Variants in METTL8 observed in about 807,000 individuals in gnomAD.
METTL8 encodes the protein methyltransferase 8, tRNA N3-cytidine.
Under a neutral mutation model 48.7 loss-of-function variants are expected in METTL8, and 32 were observed. The ratio of observed to expected loss-of-function variants is 0.66; its 90% confidence interval spans 0.50 to 0.88. The LOEUF is 0.88. Ranked by LOEUF, METTL8 falls within the 40% of genes least tolerant of loss-of-function variation. The pLI, the probability that METTL8 is intolerant of heterozygous loss-of-function variation, is 0.00. For missense variants in METTL8, 464 were observed against 474.4 expected (o/e 0.98, Z 0.20); for synonymous variants, 136 against 157.1 (o/e 0.87, Z 1.01).
chr2:171,338,515 C>T (rs993803766), intron 4 of METTL8, among the ~76,000 whole-genome samples: 1 of 151,962 alleles, frequency 6.6e-6, no homozygotes, highest in African/African-American at 2.4e-5. Flanking sequence ...TGGCAGGCGC[C>T]TGTAATCCCA....
intron 5 of METTL8, 120 bp from the exon 6 acceptor site, chr2:171,331,987 G>T: frequency 1.5e-6 from 1 of 658,298 alleles, no homozygotes; most frequent in Non-Finnish European, 2.6e-6. Context: ...CTGGACTCTA[G>T]CGATCTTGCT....
intron 2 of METTL8, among the ~76,000 whole-genome samples, chr2:171,379,085 G>T (rs565143361): frequency 1.3e-5 from 2 of 152,220 alleles, no homozygotes; most frequent in African/African-American, 4.8e-5. Context: ...AATCAAATTA[G>T]AACTCGAGAT....
At chr2:171,422,674 A>G (rs1691994555) in intron 1 of METTL8, among the ~76,000 whole-genome samples, 1 of 152,238 alleles carries the variant, frequency 6.6e-6, no homozygotes, top group Non-Finnish European at 1.5e-5. Flanking sequence ...GGCTTTGCAC[A>G]AGAATGAAAA....
At chr2:171,420,234 C>T (rs1202631169) in intron 1 of METTL8, among the ~76,000 whole-genome samples, 2 of 152,098 alleles carry the variant, frequency 1.3e-5, no homozygotes, top group African/African-American at 4.8e-5. Flanking sequence ...AAGAAAGCGG[C>T]TTGGTCAAGA....
intron 3 of METTL8, among the ~76,000 whole-genome samples, chr2:171,350,806 G>T (rs1683829520): frequency 6.6e-6 from 1 of 152,034 alleles, no homozygotes; most frequent in African/African-American, 2.4e-5. Flanking sequence ...TTTTTGATGG[G>T]GTTGTTTGAT....
At chr2:171,390,835 C>T (rs1688516230) in intron 2 of METTL8, among the ~76,000 whole-genome samples, 1 of 152,030 alleles carries the variant, frequency 6.6e-6, no homozygotes, top group Non-Finnish European at 1.5e-5. Flanking sequence ...ATTTAGACAA[C>T]AAAGAATTTA....
intron 2 of METTL8, among the ~76,000 whole-genome samples, chr2:171,379,944 C>A (rs904123473): frequency 6.6e-6 from 1 of 151,942 alleles, no homozygotes; most frequent in African/African-American, 2.4e-5. Flanking sequence ...AACACAACAA[C>A]AAAAAAAGAA....
At chr2:171,344,077 A>C (rs561649805) in intron 3 of METTL8, among the ~76,000 whole-genome samples, 1 of 152,362 alleles carries the variant, frequency 6.6e-6, no homozygotes, top group South Asian at 2.1e-4. Context: ...TTAGGAGAAA[A>C]GAAATCAGAT....
At chr2:171,385,244 CT>C (rs1488709932) in intron 2 of METTL8, among the ~76,000 whole-genome samples, 4 of 151,480 alleles carry the variant, frequency 2.6e-5, no homozygotes, top group African/African-American at 7.3e-5. Context: ...AAGACCCCCC[CT>C]CTCTAAAAAA....
intron 1 of METTL8, among the ~76,000 whole-genome samples, chr2:171,427,686 G>T (rs1473010956): frequency 6.6e-6 from 1 of 152,094 alleles, no homozygotes; most frequent in Non-Finnish European, 1.5e-5. Flanking sequence ...TGACCACTCT[G>T]GCTAAAGCAG....
intron 3 of METTL8, among the ~76,000 whole-genome samples, chr2:171,342,203 C>T (rs1160250653): frequency 6.6e-6 from 1 of 152,120 alleles, no homozygotes; most frequent in Non-Finnish European, 1.5e-5. Context: ...CCGTGGATCT[C>T]CACCCATCTG....
At chr2:171,403,893 T>C (rs1404245643) in intron 1 of METTL8, among the ~76,000 whole-genome samples, 2 of 151,056 alleles carry the variant, frequency 1.3e-5, no homozygotes, top group Non-Finnish European at 2.9e-5. Flanking sequence ...TATTTTCTCA[T>C]AGGCAATGCA....
At chr2:171,431,578 C>T (rs1302008322) in intron 1 of METTL8, among the ~76,000 whole-genome samples, 2 of 152,218 alleles carry the variant, frequency 1.3e-5, no homozygotes, top group Non-Finnish European at 2.9e-5. Flanking sequence ...TCCTCCTCAC[C>T]CTCCGATTGT....
chr2:171,363,817 T>TATATATATATATG (rs1228494441), intron 2 of METTL8, among the ~76,000 whole-genome samples: 1 of 129,054 alleles, frequency 7.7e-6, no homozygotes, highest in African/African-American at 2.9e-5. Context: ...TATATATATC[T>TATATATATATATG]TTTTTTTTTT....
intron 1 of METTL8, among the ~76,000 whole-genome samples, chr2:171,404,078 T>TC (rs1413214280): frequency 8.6e-6 from 1 of 116,856 alleles, no homozygotes; most frequent in Non-Finnish European, 1.8e-5. Context: ...TATATATATA[T>TC]ATATATATAT....
chr2:171,380,112 A>G (rs1378174327), intron 2 of METTL8, among the ~76,000 whole-genome samples: 2 of 152,226 alleles, frequency 1.3e-5, no homozygotes, highest in East Asian at 1.9e-4. Context: ...ATCAATAAGC[A>G]TAATCCATCA....
chr2:171,364,286 T>C (rs1685498733), intron 2 of METTL8, among the ~76,000 whole-genome samples: 1 of 152,122 alleles, frequency 6.6e-6, no homozygotes, highest in South Asian at 2.1e-4. Context: ...TTAAAAACTA[T>C]ATGTAAAACC....
intron 2 of METTL8, among the ~76,000 whole-genome samples, chr2:171,370,520 G>A (rs938114476): frequency 2.0e-5 from 3 of 152,114 alleles, no homozygotes; most frequent in Non-Finnish European, 1.5e-5. Flanking sequence ...GGCTGGGCAC[G>A]GTGGCTCATG....
At chr2:171,388,924 A>G (rs1409399063) in intron 2 of METTL8, among the ~76,000 whole-genome samples, 1 of 152,186 alleles carries the variant, frequency 6.6e-6, no homozygotes, top group Admixed American at 6.5e-5. Flanking sequence ...TTTAATTGAT[A>G]AATGTTATGT....
Sources: allele counts gnomAD v4.1 joint callset (sites outside exome capture counted in the v4.1 genomes callset), GRCh38; gene constraint gnomAD v4.1.1; transcripts MANE v1.5; gene names NCBI Gene and HGNC (gene_info 2026-07-23, HGNC 2026-07-21).